CDKAL1: variants seen among roughly 807,000 people sequenced by gnomAD.
CDKAL1 encodes the protein threonylcarbamoyladenosine tRNA methylthiotransferase.
CDKAL1 carries 32 observed loss-of-function variants against 68.2 expected under a neutral mutation model. The observed-to-expected ratio is 0.47, with a 90% CI of 0.35 to 0.63. CDKAL1 has a LOEUF of 0.63. CDKAL1 is among the 30% of genes least tolerant of loss of function. The pLI, the probability that CDKAL1 is intolerant of heterozygous loss-of-function variation, is 0.00. For missense variants in CDKAL1, 606 were observed against 696.7 expected, an observed-to-expected ratio of 0.87 and a Z score of 1.47; for synonymous variants, 234 against 244.3, an observed-to-expected ratio of 0.96 and a Z score of 0.39.
chr6:20,695,788 C>A (rs1485798962), intron 5 of CDKAL1, among the ~76,000 whole-genome samples: 1 of 151,944 alleles, frequency 6.6e-6, no homozygotes. Context: ...ACATTTTATC[C>A]ATTTTTACCA....
At chr6:20,946,237 C>G (rs923915207) in intron 9 of CDKAL1, among the ~76,000 whole-genome samples, 1 of 152,176 alleles carries the variant, frequency 6.6e-6, no homozygotes, top group Non-Finnish European at 1.5e-5. Flanking sequence ...TCACTCACTT[C>G]ATTCTAACCA....
chr6:20,980,192 G>GATAGATATAGAT (rs61624482), intron 10 of CDKAL1, among the ~76,000 whole-genome samples: 9,474 of 149,028 alleles, frequency 0.064, 375 homozygotes, highest in African/African-American at 0.11. Context: ...TCCAAAGATA[G>GATAGATATAGAT]ATAGATATAG....
intron 13 of CDKAL1, among the ~76,000 whole-genome samples, chr6:21,119,097 C>T (rs944901906): frequency 1.3e-5 from 2 of 152,148 alleles, no homozygotes; most frequent in South Asian, 2.1e-4. Flanking sequence ...CTCCCTCTCC[C>T]CTTCGTCCCG....
At chr6:20,874,462 C>T (rs1320244553) in intron 9 of CDKAL1, among the ~76,000 whole-genome samples, 5 of 151,526 alleles carry the variant, frequency 3.3e-5, no homozygotes, top group African/African-American at 4.9e-5. Context: ...CGCCACCACG[C>T]CTGGCTAATT....
intron 5 of CDKAL1, among the ~76,000 whole-genome samples, chr6:20,652,838 G>A (rs560369489): frequency 6.4e-4 from 97 of 152,240 alleles, no homozygotes; most frequent in South Asian, 2.5e-3. Flanking sequence ...TGTCAAGACC[G>A]TAGAAACTGC....
intron 6 of CDKAL1, among the ~76,000 whole-genome samples, chr6:20,755,081 C>CTT (rs1774110621): frequency 6.6e-6 from 1 of 152,116 alleles, no homozygotes. Flanking sequence ...AAACATTTTT[C>CTT]TTTATGGTTT....
At chr6:21,139,266 A>G (rs1228105345) in intron 13 of CDKAL1, among the ~76,000 whole-genome samples, 1 of 152,194 alleles carries the variant, frequency 6.6e-6, no homozygotes, top group African/African-American at 2.4e-5. Context: ...AGATCCACAA[A>G]TCACTGGAAA....
chr6:21,198,732 G>A (rs1356056314), intron 14 of CDKAL1, among the ~76,000 whole-genome samples: 1 of 152,178 alleles, frequency 6.6e-6, no homozygotes, highest in Non-Finnish European at 1.5e-5. Context: ...GCCATCCCTA[G>A]GGGCGCCCCC....
chr6:21,014,487 T>C (rs372265611), intron 11 of CDKAL1, among the ~76,000 whole-genome samples: 1 of 151,440 alleles, frequency 6.6e-6, no homozygotes, highest in Admixed American at 6.6e-5. Context: ...AGTGGGTGCC[T>C]GTAGTCCCGG....
intron 9 of CDKAL1, among the ~76,000 whole-genome samples, chr6:20,934,873 A>G (rs1763627879): frequency 6.7e-6 from 1 of 150,238 alleles, no homozygotes; most frequent in African/African-American, 2.5e-5. Context: ...AAAACCCTGT[A>G]CTTAATTACT....
chr6:21,152,065 C>T (rs958100558), intron 13 of CDKAL1, among the ~76,000 whole-genome samples: 4 of 152,220 alleles, frequency 2.6e-5, no homozygotes, highest in Non-Finnish European at 5.9e-5. Flanking sequence ...CCACTAAGTG[C>T]GAAGATGGAG....
intron 4 of CDKAL1, among the ~76,000 whole-genome samples, chr6:20,619,042 T>A (rs1430833475): frequency 6.6e-6 from 1 of 152,224 alleles, no homozygotes; most frequent in Non-Finnish European, 1.5e-5. Context: ...ATATTTTACA[T>A]AGCTATAAAT....
chr6:20,820,139 A>G (rs1476548976), intron 8 of CDKAL1, among the ~76,000 whole-genome samples: 1 of 152,186 alleles, frequency 6.6e-6, no homozygotes, highest in Non-Finnish European at 1.5e-5. Context: ...GTGGAGGGTC[A>G]TGGGCCTCAA....
At chr6:20,639,784 C>T (rs1459942743) in intron 4 of CDKAL1, among the ~76,000 whole-genome samples, 1 of 152,188 alleles carries the variant, frequency 6.6e-6, no homozygotes, top group Non-Finnish European at 1.5e-5. Context: ...GATTCTTCTG[C>T]CTCAGCCTCC....
At chr6:21,223,473 C>CT (rs1000768519) in intron 15 of CDKAL1, among the ~76,000 whole-genome samples, 23 of 152,352 alleles carry the variant, frequency 1.5e-4, no homozygotes, top group South Asian at 4.1e-4. Flanking sequence ...AGCCTATCCT[C>CT]TGCCTTTCTC....
chr6:21,222,428 G>A (rs941215697), intron 15 of CDKAL1, among the ~76,000 whole-genome samples: 8 of 152,164 alleles, frequency 5.3e-5, no homozygotes, highest in African/African-American at 1.9e-4. Flanking sequence ...CAAAAGAAAT[G>A]GAAAGGAGCG....
intron 6 of CDKAL1, 67 bp from the exon 7 acceptor site, chr6:20,758,528 T>C: frequency 7.3e-7 from 1 of 1,367,486 alleles, no homozygotes; most frequent in Non-Finnish European, 1.0e-6. Context: ...GACTCAAGCA[T>C]AAGGATAAAC....
chr6:21,226,431 A>G (rs951157056), intron 15 of CDKAL1, among the ~76,000 whole-genome samples: 1 of 152,226 alleles, frequency 6.6e-6, no homozygotes, highest in South Asian at 2.1e-4. Flanking sequence ...TTAGAAATTA[A>G]TCAAGGGAGC....
chr6:20,802,309 C>CAATAGTAATAATAAT (rs202052759), intron 8 of CDKAL1, among the ~76,000 whole-genome samples: 1 of 142,352 alleles, frequency 7.0e-6, no homozygotes, highest in African/African-American at 2.6e-5. Context: ...AAAACAACAA[C>CAATAGTAATAATAAT]AACAACAATA....
Sources: gnomAD v4.1 joint callset for allele counts (sites outside exome capture counted in the v4.1 genomes callset) on GRCh38, gnomAD v4.1.1 for gene constraint, MANE v1.5 for transcripts, NCBI Gene and HGNC (gene_info 2026-07-23, HGNC 2026-07-21) for gene names.